The following DST variants were observed in gnomAD, a reference collection of about 807,000 sequenced individuals.
DST encodes the protein dystonin.
A neutral mutation model predicts 875.2 loss-of-function variants in DST; 253 were observed. That is an observed-to-expected ratio of 0.29 (90% CI 0.26 to 0.32). The LOEUF (loss-of-function observed/expected upper bound fraction) is 0.32, where lower values mean the gene tolerates loss of function less well. Ranked by LOEUF, DST falls within the 10% of genes least tolerant of loss-of-function variation. The pLI is 1.00. For missense variants in DST, 8,287 were observed against 9,111.6 expected (o/e 0.91, Z 3.68); for synonymous variants, 3,124 against 3,197.1 (o/e 0.98, Z 0.77).
At chr6:56,592,550 C>A (rs979614753) in intron 48 of DST, among the ~76,000 whole-genome samples, 192 bp from the exon 49 acceptor site, 4 of 151,984 alleles carry the variant, frequency 2.6e-5, no homozygotes, top group Admixed American at 6.6e-5. Context: ...CAAAAAGTAA[C>A]CATAAAATAA....
intron 4 of DST, among the ~76,000 whole-genome samples, chr6:56,779,201 C>G (rs1002365503): frequency 2.6e-5 from 4 of 152,026 alleles, no homozygotes; most frequent in African/African-American, 9.7e-5. Context: ...AGTGTCTGTT[C>G]AAATCCTTCA....
At chr6:56,780,651 A>G (rs1419582357) in intron 4 of DST, among the ~76,000 whole-genome samples, 4 of 151,694 alleles carry the variant, frequency 2.6e-5, no homozygotes, top group South Asian at 2.1e-4. Flanking sequence ...AGTAGGTTGC[A>G]AAAATTTTCT....
intron 71 of DST, among the ~76,000 whole-genome samples, chr6:56,516,143 G>T (rs9464391): frequency 7.0e-6 from 1 of 142,700 alleles, no homozygotes; most frequent in Non-Finnish European, 1.6e-5. Flanking sequence ...GAGAGAGAGA[G>T]AGAGAAAGAG....
rs1046303900 is a variant in DST, at chr6:56,927,377, A to G, written c.216+26408T>C. Among the ~76,000 whole-genome samples, 3 of 152,236 alleles carry G rather than the reference A, an allele frequency of 2.0e-5. No homozygotes were observed. In the East Asian group the frequency reaches 5.8e-4, roughly 29 times the overall value. On this transcript the variant is annotated intron_variant, in intron 2 of 103. Transcript: ENST00000680361. ...TATCTGAATTTTTCCAGAGATTAGC[A>G]AAAATGTGGGAGATCCAAAGGTTTT...
intron 4 of DST, among the ~76,000 whole-genome samples, chr6:56,780,562 T>A (rs571638919): frequency 7.2e-5 from 11 of 152,184 alleles, no homozygotes; most frequent in Non-Finnish European, 1.6e-4. Context: ...TGCCCACTTT[T>A]TGATGGGGTT....
rs1419108007 is a variant in DST, at chr6:56,553,093, G to C, written c.15699C>G (p.Leu5233=). The change falls in exon 61 of 104, where the codon CTC becomes CTG. Residue 5233 remains leucine, a synonymous_variant. Transcript: ENST00000680361. ...ELLNNTANSL[L]SVCEIDKEVV... is the part of the protein sequence containing the mutation. ...CTTCTTTATCTATCTCACAGACACT[G>C]AGCAAGCTATTGGCTGTGTTGTTCA... 6.2e-7 allele frequency: 1 copy of C among 1,613,934 alleles called. No homozygotes were observed. Among genetic ancestry groups the C allele is most frequent in the Non-Finnish European group, 8.5e-7 (1 of 1,179,880 alleles).
At chr6:56,629,526 AT>A in intron 31 of DST, 83 bp from the exon 32 acceptor site, 1 of 1,044,864 alleles carries the variant, frequency 9.6e-7, no homozygotes, top group South Asian at 1.4e-5. Flanking sequence ...TTTACAATTT[AT>A]TTACAAATGA....
chr6:56,700,255 G>GA (rs1257258327), intron 8 of DST, among the ~76,000 whole-genome samples: 1 of 152,186 alleles, frequency 6.6e-6, no homozygotes, highest in Non-Finnish European at 1.5e-5. Context: ...CCAGTTCATG[G>GA]AAAAATAGTC....
At chr6:56,693,568 G>T in intron 9 of DST, 1 of 224,022 alleles carries the variant, frequency 4.5e-6, no homozygotes. Context: ...GTGGTTCAAC[G>T]AATGAGAGCA....
chr6:56,718,939 T>A (rs940699251), intron 5 of DST, among the ~76,000 whole-genome samples: 1 of 152,182 alleles, frequency 6.6e-6, no homozygotes, highest in African/African-American at 2.4e-5. Flanking sequence ...AGGTTTCTTT[T>A]TGGGGTGAGG....
intron 5 of DST, among the ~76,000 whole-genome samples, chr6:56,708,524 T>C (rs1429342823): frequency 6.6e-6 from 1 of 152,064 alleles, no homozygotes; most frequent in African/African-American, 2.4e-5. Flanking sequence ...ATACTGTATA[T>C]GGAAAACATC....
intron 3 of DST, among the ~76,000 whole-genome samples, chr6:56,863,424 T>C (rs74572442): frequency 0.025 from 3,762 of 152,316 alleles, 148 homozygotes; most frequent in African/African-American, 0.085. Flanking sequence ...TAAGTAATAA[T>C]TGTTCCCACT....
At chr6:56,560,148 A>T in intron 58 of DST, 146 bp downstream of exon 58, 1 of 764,068 alleles carries the variant, frequency 1.3e-6, no homozygotes, top group Non-Finnish European at 2.0e-6. Flanking sequence ...ATTTGAAATG[A>T]CACTTTATGC....
chr6:56,926,667 C>T (rs1237765465), intron 2 of DST, among the ~76,000 whole-genome samples: 2 of 152,152 alleles, frequency 1.3e-5, no homozygotes, highest in Non-Finnish European at 2.9e-5. Context: ...TCCACCTTTT[C>T]CTTTACTCAC....
chr6:56,524,543 C>T (rs1231984374), intron 69 of DST, among the ~76,000 whole-genome samples: 4 of 152,086 alleles, frequency 2.6e-5, no homozygotes, highest in African/African-American at 9.7e-5. Context: ...GCTTGTGAGA[C>T]CACATGCAAG....
In DST at chr6:56,552,884, C is replaced by G; in HGVS notation, c.15908G>C (p.Gly5303Ala). 1 of 1,613,956 alleles carries G rather than the reference C, an allele frequency of 6.2e-7. No individual in the cohort carries two copies. Among genetic ancestry groups the G allele is most frequent in the South Asian group, 1.1e-5 (1 of 91,080 alleles). ...GTATTTGTTACTGTAAGCCTGGGATCCCAGCGAATCATGGATATCTAGCTG... is the reference window on the plus strand; with the variant it reads ...GTATTTGTTACTGTAAGCCTGGGATGCCAGCGAATCATGGATATCTAGCTG... ...KEQLDIHDSL[G>A]SQAYSNKYLT... The change falls in exon 61 of 104, where the codon GGA becomes GCA. Residue 5303 changes from glycine to alanine, a missense_variant. Coordinates refer to ENST00000680361, the MANE Select transcript of DST (RefSeq NM_001374736.1).
Position 56,753,173 on chromosome 6 carries a change from A to G in DST, c.626-17884T>C, listed in dbSNP as rs1273918210. Among the ~76,000 whole-genome samples the G allele has an allele frequency of 2.0e-5, 3 of 152,310 alleles. No individual in the cohort carries two copies. The East Asian group carries it at 5.8e-4, about 29-fold the overall frequency. On this transcript the variant is annotated intron_variant, in intron 4 of 103. Transcript: ENST00000680361. The stretch of plus-strand genomic sequence containing the variant: ...AGTGATATGGCGAGTATAAGGTAGA[A>G]GAAGGCATAACTGTGAGAGTGGATA...
intron 61 of DST, among the ~76,000 whole-genome samples, chr6:56,537,878 C>T (rs1199019096): frequency 1.3e-5 from 2 of 152,136 alleles, no homozygotes; most frequent in African/African-American, 4.8e-5. Context: ...GTAATATTTG[C>T]CAATATTTAT....
rs746907888 is a variant in DST at position 56,692,721 on chromosome 6, C to G, written c.1047+6932G>C. 5 of 1,289,486 alleles carry G rather than the reference C, an allele frequency of 3.9e-6. No individual in the cohort carries two copies. In the South Asian group the frequency reaches 6.2e-5, roughly 16 times the overall value. The allele number at this position is 1,289,486 out of a possible 1,614,324, so 79.9% of individuals were successfully genotyped here. On this transcript the variant is annotated intron_variant, in intron 9 of 103. Transcript: ENST00000680361. ...ATGGAGTGCTGTCTTTTTCTGAAAT[C>G]CTTTCATCCAGTTCACTAACTTTTA...
Sources: gnomAD v4.1 joint callset for allele counts (sites outside exome capture counted in the v4.1 genomes callset) on GRCh38, gnomAD v4.1.1 for gene constraint, MANE v1.5 for transcripts, NCBI Gene and HGNC (gene_info 2026-07-23, HGNC 2026-07-21) for gene names.